The following KCNQ3 variants were observed in gnomAD, a reference collection of about 807,000 sequenced individuals.
KCNQ3 encodes the protein potassium voltage-gated channel subfamily KQT member 3.
KCNQ3 carries 30 observed loss-of-function variants against 92.5 expected under a neutral mutation model. The observed-to-expected ratio is 0.32, with a 90% CI of 0.24 to 0.44. KCNQ3 has a LOEUF of 0.44. KCNQ3 is among the 20% of genes least tolerant of loss of function. The pLI is 1.00. For synonymous variants in KCNQ3, 450 were observed against 468.8 expected, an observed-to-expected ratio of 0.96 and a Z score of 0.52; for missense variants, 913 against 1,140.3, an observed-to-expected ratio of 0.80 and a Z score of 2.87.
chr8:132,184,334 A>T lies in KCNQ3; in HGVS notation c.511T>A (p.Phe171Ile). 1 of 1,614,128 alleles carries T rather than the reference A, an allele frequency of 6.2e-7. No individual in the cohort carries two copies. Among genetic ancestry groups the T allele is most frequent in the Non-Finnish European group, 8.5e-7 (1 of 1,180,022 alleles). The change falls in exon 3 of 15, where the codon TTT (phenylalanine) becomes ATT (isoleucine). Residue 171 changes from phenylalanine (F) to isoleucine (I), a missense_variant. Around this residue, in one of 6 missense-constraint regions of KCNQ3, gnomAD observed 100 missense variants for 217.6 expected, o/e 0.46. Coordinates refer to ENST00000388996, the MANE Select transcript of KCNQ3 (RefSeq NM_004519.4). ...TFAIFIFGAE[F>I]ALRIWAAGCC... ...CCAGCAGCCCAGATCCTCAAAGCAAACTCGGCTCCAAAGATGAAAATAGCA... is the reference window on the plus strand; with the variant it reads ...CCAGCAGCCCAGATCCTCAAAGCAATCTCGGCTCCAAAGATGAAAATAGCA...
chr8:132,373,149 A>G (rs1042264517), intron 1 of KCNQ3, among the ~76,000 whole-genome samples: 2 of 152,068 alleles, frequency 1.3e-5, no homozygotes, highest in Admixed American at 1.3e-4. Context: ...AAGGCAAGTC[A>G]TACTAGCACT....
intron 1 of KCNQ3, among the ~76,000 whole-genome samples, chr8:132,380,585 C>T (rs1819720528): frequency 1.3e-5 from 2 of 152,194 alleles, no homozygotes; most frequent in South Asian, 4.2e-4. Context: ...CTCTCCATCT[C>T]CCATCTCCCA....
chr8:132,264,713 C>G (rs778650813), intron 1 of KCNQ3, among the ~76,000 whole-genome samples: 1 of 152,050 alleles, frequency 6.6e-6, no homozygotes, highest in Non-Finnish European at 1.5e-5. Flanking sequence ...AATCCGTGCT[C>G]TATCTCTGTC....
At chr8:132,134,569 G>T (rs1220132232) in intron 12 of KCNQ3, among the ~76,000 whole-genome samples, 181 bp from the exon 13 acceptor site, 1 of 151,222 alleles carries the variant, frequency 6.6e-6, no homozygotes, top group African/African-American at 2.4e-5. Flanking sequence ...GGAGAGGGGA[G>T]GAGAGGAGAG....
chr8:132,480,755 G>C lies in KCNQ3; in HGVS notation c.-223C>G, dbSNP rs1231322895. Reference sequence around the variant, plus strand: ...GGTCAGGGGGTCACATCCCGCGCGGGTCAGCCGCAGGACCCCGAGGGTCGC... The same window carrying C: ...GGTCAGGGGGTCACATCCCGCGCGGCTCAGCCGCAGGACCCCGAGGGTCGC... On this transcript the variant is annotated 5_prime_UTR_variant, in exon 1 of 15. Transcript: ENST00000388996. The C allele has an allele frequency of 4.0e-6, 1 of 247,950 alleles. No individual in the cohort carries two copies. Among genetic ancestry groups the C allele is most frequent in the Non-Finnish European group, 6.5e-6 (1 of 154,454 alleles). The allele number at this position is 247,950 out of a possible 1,614,324, so 15.4% of individuals were successfully genotyped here.
chr8:132,298,494 C>G (rs6471053), intron 1 of KCNQ3, among the ~76,000 whole-genome samples: 97,642 of 151,986 alleles, frequency 0.64, 32,821 homozygotes, highest in East Asian at 0.87. Flanking sequence ...AGAGAATGTG[C>G]CTCATTCAGA....
chr8:132,172,036 A>G (rs983422856), intron 7 of KCNQ3, among the ~76,000 whole-genome samples: 14 of 151,988 alleles, frequency 9.2e-5, no homozygotes, highest in African/African-American at 3.1e-4. Context: ...AGTGGTGTAC[A>G]TGGTGGTACG....
At chr8:132,145,234 C>G (rs1221116659) in intron 9 of KCNQ3, among the ~76,000 whole-genome samples, 1 of 152,174 alleles carries the variant, frequency 6.6e-6, no homozygotes, top group Non-Finnish European at 1.5e-5. Context: ...CCATGTTCAA[C>G]TTGTATATAC....
intron 1 of KCNQ3, among the ~76,000 whole-genome samples, chr8:132,379,446 C>T (rs1819688392): frequency 6.6e-6 from 1 of 151,972 alleles, no homozygotes; most frequent in Admixed American, 6.6e-5. Context: ...CCTTAGGACT[C>T]CCCTCATCAT....
intron 1 of KCNQ3, among the ~76,000 whole-genome samples, chr8:132,293,987 TTG>T (rs1025429300): frequency 8.2e-5 from 12 of 146,772 alleles, no homozygotes; most frequent in African/African-American, 3.1e-4. Context: ...TAAGGGTTTT[TTG>T]TGTGTGTGTG....
At chr8:132,300,424 G>A (rs1001804988) in intron 1 of KCNQ3, among the ~76,000 whole-genome samples, 9 of 152,170 alleles carry the variant, frequency 5.9e-5, no homozygotes, top group African/African-American at 1.9e-4. Context: ...ACTCTGAGGG[G>A]CTGCTGAAGG....
intron 9 of KCNQ3, 79 bp from the exon 10 acceptor site, chr8:132,141,410 A>C: frequency 1.4e-4 from 167 of 1,233,420 alleles, no homozygotes; most frequent in Non-Finnish European, 1.7e-4. Flanking sequence ...ATAAAGACTC[A>C]CACATTCTCC....
chr8:132,352,118 C>A (rs1218964897), intron 1 of KCNQ3, among the ~76,000 whole-genome samples: 1 of 152,180 alleles, frequency 6.6e-6, no homozygotes, highest in Non-Finnish European at 1.5e-5. Flanking sequence ...CTGTTTTCAA[C>A]CCACGTTTAG....
At chr8:132,266,120 G>A (rs575821028) in intron 1 of KCNQ3, among the ~76,000 whole-genome samples, 2 of 152,320 alleles carry the variant, frequency 1.3e-5, no homozygotes, top group African/African-American at 4.8e-5. Flanking sequence ...TACCATTTAT[G>A]CAAAGTGCCT....
At chr8:132,406,702 A>T (rs888838646) in intron 1 of KCNQ3, among the ~76,000 whole-genome samples, 2 of 152,214 alleles carry the variant, frequency 1.3e-5, no homozygotes, top group Non-Finnish European at 2.9e-5. Context: ...TAAGCATATG[A>T]AACACCATCA....
At position 132,325,035 on chromosome 8, in the gene KCNQ3, C is replaced by T. The variant is rs551944115; in HGVS notation, c.387-138854G>A. On this transcript the variant is annotated intron_variant, in intron 1 of 14. Coordinates refer to ENST00000388996, the MANE Select transcript of KCNQ3 (RefSeq NM_004519.4). ...AAAAATAAATCAGGGCAGCTTGTTCCCTGGCCTCATTCCCACTGTTTCTAG... is the reference window on the plus strand; with the variant it reads ...AAAAATAAATCAGGGCAGCTTGTTCTCTGGCCTCATTCCCACTGTTTCTAG... 9.9e-5 allele frequency among the ~76,000 whole-genome samples: 15 copies of T among 151,668 alleles called. No homozygotes were observed. In the South Asian group the frequency reaches 2.1e-3, roughly 21 times the overall value.
At chr8:132,176,150 C>G (rs915028498) in intron 4 of KCNQ3, among the ~76,000 whole-genome samples, 1 of 152,134 alleles carries the variant, frequency 6.6e-6, no homozygotes, top group Non-Finnish European at 1.5e-5. Flanking sequence ...GTTTTGTGTA[C>G]CACTGGTGAA....
At chr8:132,317,792 G>C (rs1197449321) in intron 1 of KCNQ3, among the ~76,000 whole-genome samples, 1 of 152,188 alleles carries the variant, frequency 6.6e-6, no homozygotes. Flanking sequence ...ATTGGAGTGA[G>C]AGGAGCTTTA....
chr8:132,175,445 T>C lies in KCNQ3; in HGVS notation c.933+8A>G, dbSNP rs1259700908. On this transcript the variant is annotated splice_region_variant and intron_variant, in intron 5 of 14. Transcript: ENST00000388996. Reference sequence around the variant, plus strand: ...CTCACAGAATTGGCCTCCAAGGTAGTGACTCACCAGGCCCCACCACAGGGC... The same window carrying C: ...CTCACAGAATTGGCCTCCAAGGTAGCGACTCACCAGGCCCCACCACAGGGC... The C allele has an allele frequency of 2.5e-6, 4 of 1,613,998 alleles. No individual in the cohort carries two copies. The highest frequency in any genetic ancestry group is 3.4e-6 in the Non-Finnish European group (4 of 1,179,950).
Sources: gnomAD v4.1 joint callset for allele counts (sites outside exome capture counted in the v4.1 genomes callset) on GRCh38, gnomAD v4.1.1 for gene constraint, gnomAD v4.1.1 regional missense constraint, MANE v1.5 for transcripts, NCBI Gene and HGNC (gene_info 2026-07-23, HGNC 2026-07-21) for gene names.